WDTC1: variants seen among roughly 807,000 people sequenced by gnomAD.
WDTC1 encodes WD and tetratricopeptide repeats protein 1.
A neutral mutation model predicts 76.0 loss-of-function variants in WDTC1; 12 were observed. The observed-to-expected ratio is 0.16, with a 90% CI of 0.10 to 0.26. WDTC1 has a LOEUF of 0.26. WDTC1 is among the 10% of genes least tolerant of loss of function. WDTC1 has a pLI of 1.00. For missense variants in WDTC1, 511 were observed against 908.8 expected (o/e 0.56, Z 5.63); for synonymous variants, 326 against 350.8 (o/e 0.93, Z 0.79).
intron 5 of WDTC1, among the ~76,000 whole-genome samples, chr1:27,286,579 C>T (rs2013345596): frequency 1.3e-5 from 2 of 150,388 alleles, no homozygotes; most frequent in Non-Finnish European, 3.0e-5. Flanking sequence ...ACACCATCCT[C>T]CTGCCTCAGC....
rs1221857954 is a variant in WDTC1, at chr1:27,306,518, G to T, written c.*135G>T. Reference sequence around the variant, plus strand: ...TTTCCCCTGTTTTGTTTGTTAGTTTGGCGTTAGGGGTGGAGGTTGCTACAA... The same window carrying T: ...TTTCCCCTGTTTTGTTTGTTAGTTTTGCGTTAGGGGTGGAGGTTGCTACAA... On this transcript the variant is annotated 3_prime_UTR_variant, in exon 16 of 16. Transcript: ENST00000319394. The surrounding 1 kb of genome is among the most constrained non-coding windows in gnomAD (Gnocchi z 5.0). 2.6e-6 allele frequency: 3 copies of T among 1,149,702 alleles called. No individual in the cohort carries two copies. Among genetic ancestry groups the T allele is most frequent in the Non-Finnish European group, 3.6e-6 (3 of 836,372 alleles). The allele number at this position is 1,149,702 out of a possible 1,614,324, so 71.2% of individuals were successfully genotyped here. A position where few individuals can be genotyped will look rare whatever the true frequency, so the allele number is the denominator to read the frequency against.
chr1:27,248,227 C>T (rs1383090884), intron 1 of WDTC1, among the ~76,000 whole-genome samples: 2 of 152,226 alleles, frequency 1.3e-5, no homozygotes, highest in Admixed American at 6.5e-5. Flanking sequence ...GGAATCTTCA[C>T]ACTGCTTTCC....
At chr1:27,262,481 C>T (rs1483892321) in intron 2 of WDTC1, among the ~76,000 whole-genome samples, 5 of 152,036 alleles carry the variant, frequency 3.3e-5, no homozygotes, top group Non-Finnish European at 5.9e-5. Flanking sequence ...CTCCACCTCC[C>T]AGGTTCAAGT....
chr1:27,263,999 GT>G (rs1298999088), intron 3 of WDTC1, among the ~76,000 whole-genome samples: 2 of 149,290 alleles, frequency 1.3e-5, no homozygotes, highest in African/African-American at 2.5e-5. Context: ...GAGAATAGGT[GT>G]TTAAAAAAAA....
At chr1:27,285,784 C>G (rs1218262698) in intron 5 of WDTC1, among the ~76,000 whole-genome samples, 1 of 151,716 alleles carries the variant, frequency 6.6e-6, no homozygotes, top group Admixed American at 6.6e-5. Flanking sequence ...GACAGGGTTT[C>G]TCCATGTTGG....
chr1:27,274,993 G>T lies in WDTC1; in HGVS notation c.133-7246G>T, dbSNP rs2012981469. Reference sequence around the variant, plus strand: ...AATAAGATTTAAAAGATTTATATCAGGCTTATCTGGCTGCAGAGTTCATAT... The same window carrying T: ...AATAAGATTTAAAAGATTTATATCATGCTTATCTGGCTGCAGAGTTCATAT... On this transcript the variant is annotated intron_variant, in intron 3 of 15. Coordinates refer to ENST00000319394, the MANE Select transcript of WDTC1 (RefSeq NM_001276252.2). The surrounding 1 kb of genome is among the most constrained non-coding windows in gnomAD (Gnocchi z 4.2). Among the ~76,000 whole-genome samples the T allele has an allele frequency of 6.6e-6, 1 of 152,174 alleles. No homozygotes were observed. The highest frequency in any genetic ancestry group is 6.5e-5 in the Admixed American group (1 of 15,270).
At chr1:27,238,053 TG>T (rs1443949836) in intron 1 of WDTC1, among the ~76,000 whole-genome samples, 14 of 152,194 alleles carry the variant, frequency 9.2e-5, no homozygotes, top group Non-Finnish European at 1.9e-4. Context: ...CCTTCATGAC[TG>T]TCCTGTGAGG....
In WDTC1 at chr1:27,306,777, C is replaced by T. The variant is rs976718049; in HGVS notation, c.*394C>T. Reference sequence around the variant, plus strand: ...GCAGCAGCAGGAGGAGTGGGATTCCCAATTGGTAAGGGCTCGCCTTGGCCT... The same window carrying T: ...GCAGCAGCAGGAGGAGTGGGATTCCTAATTGGTAAGGGCTCGCCTTGGCCT... On this transcript the variant is annotated 3_prime_UTR_variant, in exon 16 of 16. Transcript: ENST00000319394. The surrounding 1 kb of genome is among the most constrained non-coding windows in gnomAD (Gnocchi z 5.0). The T allele has an allele frequency of 8.7e-6, 2 of 229,330 alleles. No homozygotes were observed. Among genetic ancestry groups the T allele is most frequent in the Admixed American group, 5.1e-5 (1 of 19,562 alleles). 14.2% of individuals were successfully genotyped at this position (229,330 alleles called of 1,614,324 possible). A position where few individuals can be genotyped will look rare whatever the true frequency, so the allele number is the denominator to read the frequency against.
intron 5 of WDTC1, among the ~76,000 whole-genome samples, chr1:27,283,726 G>A (rs1159823888): frequency 1.3e-5 from 2 of 152,156 alleles, no homozygotes; most frequent in Non-Finnish European, 2.9e-5. Context: ...TTAGAGAGCA[G>A]GCATACCTGG....
At chr1:27,289,192 CT>C (rs2013447893) in intron 6 of WDTC1, among the ~76,000 whole-genome samples, 2 of 140,416 alleles carry the variant, frequency 1.4e-5, no homozygotes, top group African/African-American at 2.7e-5. Context: ...GACGGGGCGG[CT>C]GGCCGGGCAG....
chr1:27,272,619 G>A (rs918882781), intron 3 of WDTC1, among the ~76,000 whole-genome samples: 8 of 152,160 alleles, frequency 5.3e-5, no homozygotes, highest in Non-Finnish European at 1.0e-4. Flanking sequence ...AGGGAAAGAC[G>A]AGGAAGAACT....
chr1:27,250,191 T>C (rs1044355008), intron 1 of WDTC1, among the ~76,000 whole-genome samples: 2 of 152,162 alleles, frequency 1.3e-5, no homozygotes, highest in African/African-American at 4.8e-5. Context: ...GTACTTTCTT[T>C]TTTTCTTTTT....
At chr1:27,284,807 AG>A (rs1313437361) in intron 5 of WDTC1, among the ~76,000 whole-genome samples, 5 of 151,240 alleles carry the variant, frequency 3.3e-5, no homozygotes, top group African/African-American at 1.2e-4. Context: ...TTCTTTCTTT[AG>A]GTAGTGGAAA....
chr1:27,294,463 G>T (rs17340642), intron 8 of WDTC1, 51 bp from the exon 9 acceptor site: 1 of 1,504,694 alleles, frequency 6.6e-7, no homozygotes, highest in Non-Finnish European at 9.2e-7. Context: ...ACAATCTCAT[G>T]CCCCTTTGAA....
rs2013979455 is a variant in WDTC1 at position 27,307,280 on chromosome 1, C to T, written c.*897C>T. On this transcript the variant is annotated 3_prime_UTR_variant, in exon 16 of 16. Transcript: ENST00000319394. This position sits in a 1 kb window ranked among gnomAD's most constrained non-coding sequence, Gnocchi z 4.1. Reference sequence around the variant, plus strand: ...TCCCATCCCACATGCTGAGCCGCCACAAAGACCAAAGAAGTGATGGCTTTT... The same window carrying T: ...TCCCATCCCACATGCTGAGCCGCCATAAAGACCAAAGAAGTGATGGCTTTT... The T allele has an allele frequency of 6.5e-6, 1 of 153,136 alleles. No individual in the cohort carries two copies. Among genetic ancestry groups the T allele is most frequent in the Non-Finnish European group, 1.5e-5 (1 of 68,376 alleles). The allele number at this position is 153,136 out of a possible 1,614,324, so 9.5% of individuals were successfully genotyped here. A position where few individuals can be genotyped will look rare whatever the true frequency, so the allele number is the denominator to read the frequency against.
At chr1:27,281,314 C>T (rs1479389025) in intron 3 of WDTC1, among the ~76,000 whole-genome samples, 2 of 151,690 alleles carry the variant, frequency 1.3e-5, no homozygotes, top group East Asian at 2.0e-4. Context: ...ATTAGCCTGG[C>T]GTGTTGGCGG....
At chr1:27,236,836 G>T (rs576411005) in intron 1 of WDTC1, among the ~76,000 whole-genome samples, 13 of 152,152 alleles carry the variant, frequency 8.5e-5, no homozygotes, top group Non-Finnish European at 1.8e-4. Flanking sequence ...ATGTATGTAT[G>T]TATTTATTTA....
intron 1 of WDTC1, among the ~76,000 whole-genome samples, chr1:27,247,322 G>T (rs1232649148): frequency 6.6e-6 from 1 of 152,120 alleles, no homozygotes; most frequent in African/African-American, 2.4e-5. Context: ...CTCCCAAAAT[G>T]CTGGGATTAG....
rs539458083 is a variant in WDTC1 at position 27,262,929 on chromosome 1, T to TA, written c.49-212dup. Among the ~76,000 whole-genome samples, 32 of 147,748 alleles carry TA rather than the reference T, an allele frequency of 2.2e-4. 1 individual carries two copies. In the East Asian group the frequency reaches 2.9e-3, roughly 14 times the overall value. On this transcript the variant is annotated intron_variant, in intron 2 of 15. Transcript: ENST00000319394. ...CTTTTTAAAAATTTTTTGCTTTCTT[T>TA]AAAAAAAAAAATGAACGGCACAACT...
Sources: gnomAD v4.1 joint callset for allele counts (sites outside exome capture counted in the v4.1 genomes callset) on GRCh38, gnomAD v4.1.1 for gene constraint, Gnocchi (gnomAD v3.1) non-coding constraint, MANE v1.5 for transcripts, NCBI Gene and HGNC (gene_info 2026-07-23, HGNC 2026-07-21) for gene names.